The following LPA variants were observed in gnomAD, a reference collection of about 807,000 sequenced individuals.
LPA encodes apolipoprotein(a).
In LPA, 199 loss-of-function variants were observed where a neutral mutation model predicts 197.9. The ratio of observed to expected loss-of-function variants is 1.01; its 90% CI spans 0.90 to 1.13. The LOEUF is 1.13. Ranked by LOEUF, LPA falls within the 50% of genes most tolerant of loss-of-function variation. The pLI is 0.00. For missense variants in LPA, 1,853 were observed against 1,785.8 expected, an observed-to-expected ratio of 1.04 and a Z score of -0.68; for synonymous variants, 715 against 639.5, an observed-to-expected ratio of 1.12 and a Z score of -1.78.
intron 28 of LPA, among the ~76,000 whole-genome samples, chr6:160,570,133 G>A (rs1778536641): frequency 6.6e-6 from 1 of 152,110 alleles, no homozygotes; most frequent in South Asian, 2.1e-4. Context: ...TACAATTACT[G>A]GATATATATC....
chr6:160,606,808 G>T, intron 16 of LPA, 150 bp from the exon 17 acceptor site: 2 of 1,232,440 alleles, frequency 1.6e-6, no homozygotes, highest in African/African-American at 1.5e-5. Context: ...AGCACAAATG[G>T]CTCTCAATCA....
Position 160,531,736 on chromosome 6 carries a change from T to C in LPA, c.6116A>G (p.Asn2039Ser). Residue 2039 changes from asparagine (N) to serine (S), a missense_variant, in exon 39 of 39, where the codon AAT becomes AGT. Transcript: ENST00000316300. Reference sequence around the variant, plus strand: ...ACTCTGTCTCCCGTCCAATTAATTATTTCTCATCATTCCCTCAATCCAAGT... The same window carrying C: ...ACTCTGTCTCCCGTCCAATTAATTACTTCTCATCATTCCCTCAATCCAAGT... The part of the protein sequence containing the change: ...FVTWIEGMMR[N>S]N The C allele has an allele frequency of 1.9e-6, 3 of 1,614,084 alleles. No homozygotes were observed. In the East Asian group the frequency reaches 6.7e-5, roughly 36 times the overall value.
chr6:160,634,932 C>G (rs1355874497), intron 7 of LPA, among the ~76,000 whole-genome samples, 191 bp downstream of exon 7: 1 of 150,186 alleles, frequency 6.7e-6, no homozygotes, highest in Non-Finnish European at 1.5e-5. Context: ...AAGACAAAGC[C>G]CACCCAAGTT....
rs182619410 is a variant in LPA at position 160,588,222 on chromosome 6, C to A, written c.3947+1331G>T. On this transcript the variant is annotated intron_variant, in intron 24 of 38. Coordinates refer to ENST00000316300, the MANE Select transcript of LPA (RefSeq NM_005577.4). ...ATAGGAATGCCATATAACTGAGCAA[C>A]TTGTATTTGTCCCTTGCCTCTAAGG... 2.0e-5 allele frequency among the ~76,000 whole-genome samples: 3 copies of A among 151,782 alleles called. No individual in the cohort carries two copies. The East Asian group carries it at 5.8e-4, about 29-fold the overall frequency.
At chr6:160,532,800 C>A in intron 37 of LPA, 151 bp from the exon 38 acceptor site, 3 of 673,214 alleles carry the variant, frequency 4.5e-6, no homozygotes, top group South Asian at 1.6e-5. Context: ...GACTCTCTGA[C>A]CCATTAAAGT....
chr6:160,569,102 T>A (rs1036183609), intron 28 of LPA, among the ~76,000 whole-genome samples: 2 of 152,166 alleles, frequency 1.3e-5, no homozygotes, highest in Non-Finnish European at 2.9e-5. Context: ...AAGCTACCAA[T>A]GACTTTCTTC....
intron 18 of LPA, 67 bp downstream of exon 18, chr6:160,604,979 G>A (rs949268673): frequency 5.0e-6 from 8 of 1,602,794 alleles, no homozygotes; most frequent in Admixed American, 1.7e-5. Context: ...TCAGCTTGAA[G>A]CATGACTCTA....
chr6:160,651,017 T>A (rs907354197), intron 1 of LPA, among the ~76,000 whole-genome samples: 3 of 152,208 alleles, frequency 2.0e-5, no homozygotes, highest in African/African-American at 7.2e-5. Context: ...GATAGGTAGA[T>A]GATCAAATCT....
At chr6:160,658,387 C>T (rs924648949) in intron 1 of LPA, among the ~76,000 whole-genome samples, 3 of 152,202 alleles carry the variant, frequency 2.0e-5, no homozygotes, top group Non-Finnish European at 4.4e-5. Flanking sequence ...ACAATTTCAA[C>T]TCTTTCTCTA....
intron 2 of LPA, among the ~76,000 whole-genome samples, chr6:160,649,693 G>T (rs1427131314): frequency 6.6e-6 from 1 of 152,126 alleles, no homozygotes; most frequent in Non-Finnish European, 1.5e-5. Flanking sequence ...TCTTGTCTTT[G>T]GTAGTCACTT....
At position 160,650,319 on chromosome 6, in the gene LPA, T is replaced by C; in HGVS notation, c.209+19A>G. The C allele has an allele frequency of 6.2e-7, 1 of 1,612,272 alleles. No individual in the cohort carries two copies. Among genetic ancestry groups the C allele is most frequent in the East Asian group, 2.2e-5 (1 of 44,862 alleles). ...TTTACTTGGACCTTGTTTTGCTTAC[T>C]GTAAGATTAATGACATACGCATTTG... is the stretch of plus-strand genomic sequence containing the variant. On this transcript the variant is annotated intron_variant, in intron 2 of 38. Coordinates refer to ENST00000316300, the MANE Select transcript of LPA (RefSeq NM_005577.4).
At chr6:160,655,019 T>C (rs897881240) in intron 1 of LPA, among the ~76,000 whole-genome samples, 1 of 152,146 alleles carries the variant, frequency 6.6e-6, no homozygotes, top group African/African-American at 2.4e-5. Flanking sequence ...CACTTCCTTA[T>C]GTAACTTACT....
At chr6:160,615,458 C>T (rs1482032388) in intron 14 of LPA, among the ~76,000 whole-genome samples, 21 of 114,298 alleles carry the variant, frequency 1.8e-4, no homozygotes, top group Non-Finnish European at 2.5e-4. Flanking sequence ...TTTGATCAGC[C>T]GGCCATACAG....
At chr6:160,569,464 C>A (rs1233288877) in intron 28 of LPA, among the ~76,000 whole-genome samples, 1 of 152,004 alleles carries the variant, frequency 6.6e-6, no homozygotes, top group Non-Finnish European at 1.5e-5. Context: ...TTCCTTACAC[C>A]TTATATAAAA....
intron 1 of LPA, among the ~76,000 whole-genome samples, chr6:160,661,360 G>C (rs1279180376): frequency 6.6e-6 from 1 of 152,180 alleles, no homozygotes; most frequent in East Asian, 1.9e-4. Flanking sequence ...AAAGCAGCGA[G>C]ACTTCTAGGG....
chr6:160,605,111 G>GT lies in LPA; in HGVS notation c.2879_2880insA (p.Cys961LeufsTer13). Reference sequence around the variant, plus strand: ...GTGTCATAGATGACCAAGCTTGGCAGGTTCTTCCTGTGACAGTAATGAAGT... The same window carrying GT: ...GTGTCATAGATGACCAAGCTTGGCAGTGTTCTTCCTGTGACAGTAATGAAGT... On this transcript the variant is annotated frameshift_variant, in exon 18 of 39. Coordinates refer to ENST00000316300, the MANE Select transcript of LPA (RefSeq NM_005577.4). LOFTEE classifies it high-confidence loss of function. The GT allele has an allele frequency of 1.9e-6, 3 of 1,613,960 alleles. No homozygotes were observed. The highest frequency in any genetic ancestry group is 2.5e-6 in the Non-Finnish European group (3 of 1,179,848).
At chr6:160,546,555 C>CAGAT (rs1329640934) in intron 32 of LPA, among the ~76,000 whole-genome samples, 1 of 152,178 alleles carries the variant, frequency 6.6e-6, no homozygotes, top group African/African-American at 2.4e-5. Flanking sequence ...TATAGAAAAA[C>CAGAT]AGATCTTTAT....
chr6:160,548,551 T>A lies in LPA; in HGVS notation c.5082A>T (p.Ser1694=), dbSNP rs912819361. 1 of 1,614,132 alleles carries A rather than the reference T, an allele frequency of 6.2e-7. No individual in the cohort carries two copies. The highest frequency in any genetic ancestry group is 1.7e-5 in the Admixed American group (1 of 60,020). Reference sequence around the variant, plus strand: ...GAGCGACCACAGTCCCTTCTGTGTCTGAGCATCGCGTCAGGTTGCAGTACT... The same window carrying A: ...GAGCGACCACAGTCCCTTCTGTGTCAGAGCATCGCGTCAGGTTGCAGTACT... ...RWEYCNLTRC[S]DTEGTVVAPP... Residue 1694 remains serine, a synonymous_variant, in exon 31 of 39, where the codon TCA becomes TCT. Coordinates refer to ENST00000316300, the MANE Select transcript of LPA (RefSeq NM_005577.4).
rs760296043 is a variant in LPA, at chr6:160,594,091, G to A, written c.3496C>T (p.Gln1166Ter). 1 of 1,613,872 alleles carries A rather than the reference G, an allele frequency of 6.2e-7. No homozygotes were observed. Residue 1166 changes from glutamine to a stop codon, truncating the protein, a stop_gained, in exon 22 of 39, where the codon CAG becomes TAG. Transcript: ENST00000316300. LOFTEE classifies it high-confidence loss of function. Reference sequence around the variant, plus strand: ...TGTCCATCACCATGGTAGCAATCCTGGACCCCGGGGCTTTGCTCCGTTGGT... The same window carrying A: ...TGTCCATCACCATGGTAGCAATCCTAGACCCCGGGGCTTTGCTCCGTTGGT... ...EAPTEQSPGV[Q>*]DCYHGDGQSY...
Sources: allele counts gnomAD v4.1 joint callset (sites outside exome capture counted in the v4.1 genomes callset), GRCh38; gene constraint gnomAD v4.1.1; transcripts MANE v1.5; gene names NCBI Gene and HGNC (gene_info 2026-07-23, HGNC 2026-07-21).